Variants in NEO1 observed in about 807,000 individuals in gnomAD.
The protein encoded by NEO1 is neogenin 1.
Under a neutral mutation model 159.7 loss-of-function variants are expected in NEO1, and 63 were observed. The observed-to-expected ratio is 0.39, with a 90% CI of 0.32 to 0.49. NEO1 has a LOEUF of 0.49. Among genes scored for constraint, NEO1 ranks in the 20% least tolerant of loss-of-function variants. NEO1 has a pLI of 0.85. For missense variants in NEO1, 1,615 were observed against 1,831.0 expected (o/e 0.88, Z 2.15); for synonymous variants, 633 against 662.0 (o/e 0.96, Z 0.67).
intron 11 of NEO1, among the ~76,000 whole-genome samples, chr15:73,252,874 T>C (rs1046748637): frequency 6.6e-6 from 1 of 151,984 alleles, no homozygotes; most frequent in Non-Finnish European, 1.5e-5. Context: ...TCTGTAATCC[T>C]GGCTACTCAG....
intron 22 of NEO1, among the ~76,000 whole-genome samples, chr15:73,281,592 A>G (rs954316705): frequency 2.0e-5 from 3 of 152,118 alleles, no homozygotes; most frequent in African/African-American, 7.2e-5. Flanking sequence ...TCCAGGCCAT[A>G]CTTTGATGGT....
At chr15:73,296,977 G>A (rs2042398613) in intron 26 of NEO1, among the ~76,000 whole-genome samples, 1 of 152,180 alleles carries the variant, frequency 6.6e-6, no homozygotes, top group Non-Finnish European at 1.5e-5. Context: ...TGGATAAGGG[G>A]GACTACTGTA....
chr15:73,056,568 T>G (rs185167753), intron 1 of NEO1, among the ~76,000 whole-genome samples: 1 of 152,354 alleles, frequency 6.6e-6, no homozygotes, highest in Admixed American at 6.5e-5. Flanking sequence ...TGCCTTTGTT[T>G]TTAACCCGTA....
In NEO1 at chr15:73,236,502, G is replaced by A; in HGVS notation, c.1447G>A (p.Ala483Thr). 2.5e-6 allele frequency: 4 copies of A among 1,613,920 alleles called. No homozygotes were observed. The highest frequency in any genetic ancestry group is 2.2e-5 in the East Asian group (1 of 44,878). ...YSVFYTKEGI[A>T]RERVENTSHP... ...TGTGTTCTACACCAAGGAAGGGATT[G>A]CTAGGTAAGTGCCTGTGTGTCTGCA... Residue 483 changes from alanine (A) to threonine (T), a missense_variant, in exon 8 of 29, where the codon GCT (alanine) becomes ACT (threonine). Coordinates refer to ENST00000261908, the MANE Select transcript of NEO1 (RefSeq NM_002499.4).
intron 6 of NEO1, among the ~76,000 whole-genome samples, chr15:73,177,403 G>A (rs564314810): frequency 2.0e-5 from 3 of 152,180 alleles, no homozygotes; most frequent in African/African-American, 4.8e-5. Flanking sequence ...TTTTTGAAAT[G>A]CATGATCTCC....
chr15:73,218,747 G>C (rs1319067532), intron 7 of NEO1, among the ~76,000 whole-genome samples: 2 of 152,162 alleles, frequency 1.3e-5, no homozygotes, highest in Non-Finnish European at 2.9e-5. Context: ...ATGGTAGTTT[G>C]TATTTCTGTG....
At chr15:73,242,484 A>G (rs1349284959) in intron 8 of NEO1, among the ~76,000 whole-genome samples, 3 of 152,162 alleles carry the variant, frequency 2.0e-5, no homozygotes, top group South Asian at 2.1e-4. Flanking sequence ...CCTGGCCAAC[A>G]TGGCAAAACT....
At chr15:73,187,962 G>C (rs1354386459) in intron 7 of NEO1, among the ~76,000 whole-genome samples, 1 of 152,190 alleles carries the variant, frequency 6.6e-6, no homozygotes, top group Admixed American at 6.5e-5. Flanking sequence ...AGGTGGGCCA[G>C]TTTTCATCAT....
chr15:73,147,861 T>A (rs1297216564), intron 5 of NEO1, among the ~76,000 whole-genome samples: 1 of 151,724 alleles, frequency 6.6e-6, no homozygotes, highest in Non-Finnish European at 1.5e-5. Context: ...TCGCCCAGGC[T>A]GGAGTGCAGT....
At chr15:73,298,720 T>C in intron 27 of NEO1, 109 bp downstream of exon 27, 1 of 1,415,030 alleles carries the variant, frequency 7.1e-7, no homozygotes. Context: ...GCAAATATCC[T>C]CCAAGCCTAT....
chr15:73,070,408 C>T (rs2068472638), intron 1 of NEO1, among the ~76,000 whole-genome samples: 1 of 152,150 alleles, frequency 6.6e-6, no homozygotes, highest in African/African-American at 2.4e-5. Flanking sequence ...TGTAATTTTA[C>T]TAGCTGTAGA....
At chr15:73,066,915 T>A (rs1217837683) in intron 1 of NEO1, among the ~76,000 whole-genome samples, 1 of 152,230 alleles carries the variant, frequency 6.6e-6, no homozygotes, top group Non-Finnish European at 1.5e-5. Context: ...TTTTTGCATC[T>A]TGGTTCCTCA....
intron 5 of NEO1, among the ~76,000 whole-genome samples, chr15:73,136,321 C>A (rs2031756357): frequency 1.3e-5 from 2 of 152,034 alleles, no homozygotes; most frequent in Admixed American, 6.6e-5. Flanking sequence ...TATAAAACCC[C>A]TGGAATAGTG....
chr15:73,271,115 G>C (rs924018243), intron 18 of NEO1, among the ~76,000 whole-genome samples: 1 of 152,092 alleles, frequency 6.6e-6, no homozygotes, highest in Non-Finnish European at 1.5e-5. Flanking sequence ...CCACAAACTG[G>C]GCTTGGCCTC....
chr15:73,081,763 A>G (rs780435609), intron 1 of NEO1, among the ~76,000 whole-genome samples: 1 of 151,762 alleles, frequency 6.6e-6, no homozygotes, highest in Non-Finnish European at 1.5e-5. Flanking sequence ...TTTTGTAGAG[A>G]TAGGGTCTCA....
chr15:73,099,999 G>C (rs2070308706), intron 1 of NEO1, among the ~76,000 whole-genome samples: 1 of 152,136 alleles, frequency 6.6e-6, no homozygotes, highest in African/African-American at 2.4e-5. Flanking sequence ...GAAAACTTCA[G>C]ATGTTATTTT....
intron 5 of NEO1, among the ~76,000 whole-genome samples, chr15:73,140,148 C>G (rs1233663899): frequency 6.6e-6 from 1 of 152,176 alleles, no homozygotes; most frequent in Non-Finnish European, 1.5e-5. Flanking sequence ...TTGAAAAGCT[C>G]AACAAATACC....
intron 22 of NEO1, 87 bp from the exon 23 acceptor site, chr15:73,282,877 C>T (rs1025004211): frequency 2.3e-5 from 33 of 1,458,370 alleles, no homozygotes; most frequent in African/African-American, 1.4e-4. Context: ...AAGAAGTTCA[C>T]GTGAGATATT....
chr15:73,221,920 C>T (rs576734678), intron 7 of NEO1: 14 of 156,284 alleles, frequency 9.0e-5, no homozygotes, highest in South Asian at 6.1e-4. Context: ...GGCTCGCGCA[C>T]GGTGCGCTGC....
Sources: allele counts gnomAD v4.1 joint callset (sites outside exome capture counted in the v4.1 genomes callset), GRCh38; gene constraint gnomAD v4.1.1; transcripts MANE v1.5; gene names NCBI Gene and HGNC (gene_info 2026-07-23, HGNC 2026-07-21).